N4BP2: variants seen among roughly 807,000 people sequenced by gnomAD.
N4BP2 encodes the protein NEDD4-binding protein 2.
A neutral mutation model predicts 152.8 loss-of-function variants in N4BP2; 91 were observed. The observed-to-expected ratio is 0.60, with a 90% CI of 0.50 to 0.71. N4BP2 has a LOEUF of 0.71. N4BP2 is among the 30% of genes least tolerant of loss of function. The pLI, the probability that N4BP2 is intolerant of heterozygous loss-of-function variation, is 0.00. For synonymous variants in N4BP2, 646 were observed against 705.3 expected, an observed-to-expected ratio of 0.92 and a Z score of 1.33; for missense variants, 1,923 against 2,059.1, an observed-to-expected ratio of 0.93 and a Z score of 1.28.
chr4:40,121,353 G>A lies in N4BP2; in HGVS notation c.3242G>A (p.Ser1081Asn), dbSNP rs374441813. The A allele has an allele frequency of 8.1e-6, 13 of 1,613,918 alleles. No individual in the cohort carries two copies. Among genetic ancestry groups the A allele is most frequent in the Non-Finnish European group, 1.1e-5 (13 of 1,179,950 alleles). The change falls in exon 9 of 18, where the codon AGT becomes AAT. Residue 1081 changes from serine (S) to asparagine (N), a missense_variant. By Grantham distance (46) the Ser-to-Asn change is conservative (BLOSUM62 1). Coordinates refer to ENST00000261435, the MANE Select transcript of N4BP2 (RefSeq NM_018177.6). ...MYDKSTFVEE[S>N]ELTSADESEN... is the part of the protein sequence containing the mutation. ...GATAAAAGCACGTTTGTTGAAGAAA[G>A]TGAGCTTACCAGTGCAGATGAATCT...
chr4:40,108,995 T>G (rs1466831115), intron 5 of N4BP2, among the ~76,000 whole-genome samples: 1 of 151,886 alleles, frequency 6.6e-6, no homozygotes, highest in African/African-American at 2.4e-5. Context: ...TTTTGTATTT[T>G]TAGTAGAGAC....
chr4:40,104,896 C>G (rs1378323604), intron 4 of N4BP2, among the ~76,000 whole-genome samples: 2 of 151,822 alleles, frequency 1.3e-5, no homozygotes, highest in East Asian at 3.9e-4. Context: ...GCTCCGCCTC[C>G]CAGGTTCACG....
chr4:40,106,382 C>A (rs536828570), intron 4 of N4BP2, among the ~76,000 whole-genome samples: 3 of 151,788 alleles, frequency 2.0e-5, no homozygotes, highest in Non-Finnish European at 4.4e-5. Flanking sequence ...AGTGGTGCAA[C>A]CTTGGCTCAC....
At chr4:40,188,744 C>CAAA in the N4BP2 span, among the ~76,000 whole-genome samples, 9 of 91,028 alleles carry the variant, frequency 9.9e-5, no homozygotes, top group African/African-American at 1.6e-4. Context: ...GACTCCATCT[C>CAAA]AAAAAAAAAA....
intron 3 of N4BP2, 45 bp downstream of exon 3, chr4:40,097,614 C>G: frequency 1.8e-6 from 2 of 1,096,010 alleles, no homozygotes; most frequent in Non-Finnish European, 2.8e-6. Context: ...TATAAGAAGA[C>G]TTTGTGTACT....
At chr4:40,104,199 G>A (rs1312546265) in intron 4 of N4BP2, among the ~76,000 whole-genome samples, 2 of 151,180 alleles carry the variant, frequency 1.3e-5, no homozygotes, top group African/African-American at 4.9e-5. Flanking sequence ...TGATCCACCC[G>A]CCCCGGCCTC....
the N4BP2 span, among the ~76,000 whole-genome samples, chr4:40,175,514 T>A: frequency 2.0e-5 from 3 of 152,242 alleles, 1 homozygote; most frequent in South Asian, 4.1e-4. Flanking sequence ...AATAATAATG[T>A]ATTGTATTCA....
At chr4:40,133,915 C>G (rs1419650735) in intron 13 of N4BP2, among the ~76,000 whole-genome samples, 1 of 152,166 alleles carries the variant, frequency 6.6e-6, no homozygotes, top group African/African-American at 2.4e-5. Flanking sequence ...AAGTGATCCT[C>G]CCACCTCTGC....
chr4:40,094,841 C>T (rs1294209307), intron 2 of N4BP2, among the ~76,000 whole-genome samples: 6 of 151,406 alleles, frequency 4.0e-5, no homozygotes, highest in Non-Finnish European at 7.4e-5. Context: ...TGTGAGCCAC[C>T]GCGAGTGCAG....
In N4BP2 at chr4:40,102,951, C is replaced by T; in HGVS notation, c.1106C>T (p.Ala369Val). The change falls in exon 4 of 18, where the codon GCT (alanine) becomes GTT (valine). Residue 369 changes from alanine to valine, a missense_variant. Ala to Val is a moderately conservative substitution (Grantham distance 64, BLOSUM62 0). Coordinates refer to ENST00000261435, the MANE Select transcript of N4BP2 (RefSeq NM_018177.6). Reference protein sequence around the residue: ...PPPMWNPMIPAFDLFQGNHGF... With the variant: ...PPPMWNPMIPVFDLFQGNHGF... ...CCGATGTGGAATCCAATGATTCCTG[C>T]TTTTGACCTCTTCCAAGGAAACCAT... The T allele has an allele frequency of 6.2e-7, 1 of 1,614,202 alleles. No individual in the cohort carries two copies. Among genetic ancestry groups the T allele is most frequent in the Non-Finnish European group, 8.5e-7 (1 of 1,180,034 alleles).
intron 2 of N4BP2, among the ~76,000 whole-genome samples, chr4:40,081,615 C>T (rs1238760033): frequency 6.6e-6 from 1 of 151,012 alleles, no homozygotes; most frequent in Non-Finnish European, 1.5e-5. Flanking sequence ...CATTGCACTC[C>T]AGCCTGGGTG....
chr4:40,184,421 TAGAG>T, the N4BP2 span, among the ~76,000 whole-genome samples: 3 of 151,972 alleles, frequency 2.0e-5, no homozygotes, highest in South Asian at 6.2e-4. Context: ...CCAAATACAT[TAGAG>T]AATCACTGAA....
At chr4:40,142,485 CA>C (rs1560638851) in intron 14 of N4BP2, 187 bp from the exon 15 acceptor site, 9 of 544,732 alleles carry the variant, frequency 1.7e-5, no homozygotes, top group Non-Finnish European at 2.3e-5. Context: ...ACCTTAGCGG[CA>C]TAAAAAAGTT....
intron 12 of N4BP2, among the ~76,000 whole-genome samples, chr4:40,130,614 C>G (rs1718825479): frequency 6.6e-6 from 1 of 152,116 alleles, no homozygotes; most frequent in Non-Finnish European, 1.5e-5. Flanking sequence ...CTCCTGGGCT[C>G]AAGCCATCCT....
chr4:40,092,008 T>TTCTATATA (rs1553920274), intron 2 of N4BP2, among the ~76,000 whole-genome samples: 1 of 27,202 alleles, frequency 3.7e-5, no homozygotes, highest in Non-Finnish European at 5.9e-5. Context: ...AAAAAAAAAA[T>TTCTATATA]TATATATATA....
At chr4:40,108,039 C>A (rs575715170) in intron 5 of N4BP2, among the ~76,000 whole-genome samples, 1 of 151,524 alleles carries the variant, frequency 6.6e-6, no homozygotes, top group Admixed American at 6.6e-5. Flanking sequence ...TTCTCATCCT[C>A]AGCCTCCCAG....
intron 2 of N4BP2, chr4:40,083,035 A>G: frequency 3.6e-6 from 1 of 276,622 alleles, no homozygotes; most frequent in Admixed American, 3.5e-5. Flanking sequence ...TAGAAAGAGG[A>G]GATAGAGTAA....
At chr4:40,092,710 C>T (rs1714725081) in intron 2 of N4BP2, among the ~76,000 whole-genome samples, 3 of 147,234 alleles carry the variant, frequency 2.0e-5, no homozygotes, top group African/African-American at 5.0e-5. Flanking sequence ...GTGACACAAT[C>T]TCAGCTCACT....
rs907702855 is a variant in N4BP2 at position 40,153,848 on chromosome 4, A to G, written c.5268-344A>G. ...GCCAGATTAATCAGACTTACCTGAT[A>G]TATCAGAGATTTCTTCTTGGTGCTT... On this transcript the variant is annotated intron_variant, in intron 17 of 17. Coordinates refer to ENST00000261435, the MANE Select transcript of N4BP2 (RefSeq NM_018177.6). Among the ~76,000 whole-genome samples, 4 of 152,182 alleles carry G rather than the reference A, an allele frequency of 2.6e-5. No homozygotes were observed. The South Asian group carries it at 6.2e-4, about 24-fold the overall frequency.
Sources: gnomAD v4.1 joint callset for allele counts (sites outside exome capture counted in the v4.1 genomes callset) on GRCh38, gnomAD v4.1.1 for gene constraint, MANE v1.5 for transcripts, NCBI Gene and HGNC (gene_info 2026-07-23, HGNC 2026-07-21) for gene names.